Variants in FYB2 observed in about 807,000 individuals in gnomAD.
FYB2 encodes the protein FYN binding protein 2, also known as FYN-binding protein 2.
In FYB2, 103 loss-of-function variants were observed where a neutral mutation model predicts 94.1. The observed-to-expected ratio is 1.09, with a 90% CI of 0.93 to 1.29. FYB2 has a LOEUF of 1.29. Among genes scored for constraint, FYB2 ranks in the 50% most tolerant of loss-of-function variants. The probability of loss-of-function intolerance (pLI) is 0.00; values close to 1 mark genes in which losing one functional copy is unlikely to be tolerated. For synonymous variants in FYB2, 293 were observed against 287.9 expected (o/e 1.02, Z -0.18); for missense variants, 896 against 841.5 (o/e 1.06, Z -0.80).
intron 15 of FYB2, among the ~76,000 whole-genome samples, chr1:56,730,809 C>CG (rs1644691142): frequency 1.3e-5 from 2 of 152,086 alleles, no homozygotes; most frequent in Admixed American, 1.3e-4. Flanking sequence ...AACCCTGATA[C>CG]CAAAAGCAGA....
chr1:56,763,948 T>C (rs926023511), intron 5 of FYB2, among the ~76,000 whole-genome samples: 4 of 151,662 alleles, frequency 2.6e-5, no homozygotes, highest in African/African-American at 4.9e-5. Context: ...TGTCATATTA[T>C]GTCTATTTTT....
At chr1:56,790,361 C>T (rs1247487635) in intron 2 of FYB2, among the ~76,000 whole-genome samples, 1 of 152,190 alleles carries the variant, frequency 6.6e-6, no homozygotes, top group Non-Finnish European at 1.5e-5. Context: ...TCAAAAACTT[C>T]AGTCATTATC....
intron 14 of FYB2, 71 bp downstream of exon 14, chr1:56,738,554 T>A: frequency 2.1e-6 from 3 of 1,449,996 alleles, no homozygotes; most frequent in Admixed American, 2.0e-5. Flanking sequence ...AGGGTTACCA[T>A]TTCTCTTTCC....
intron 4 of FYB2, among the ~76,000 whole-genome samples, chr1:56,780,784 C>T (rs1036323374): frequency 1.3e-5 from 2 of 152,184 alleles, no homozygotes; most frequent in Admixed American, 1.3e-4. Context: ...ATTCACTGCT[C>T]CTTGTGAAAA....
intron 1 of FYB2, among the ~76,000 whole-genome samples, chr1:56,794,006 G>A (rs768319935): frequency 7.2e-5 from 11 of 152,164 alleles, no homozygotes; most frequent in Non-Finnish European, 1.3e-4. Context: ...AGCAGTATTA[G>A]GGCCATTATA....
chr1:56,789,193 G>A, intron 2 of FYB2, 59 bp from the exon 3 acceptor site: 1 of 1,515,228 alleles, frequency 6.6e-7, no homozygotes, highest in Non-Finnish European at 8.8e-7. Context: ...TAGCTTGTGG[G>A]TAAAACTGGT....
At chr1:56,771,610 A>G (rs1645756679) in intron 4 of FYB2, among the ~76,000 whole-genome samples, 3 of 152,120 alleles carry the variant, frequency 2.0e-5, no homozygotes, top group Non-Finnish European at 4.4e-5. Flanking sequence ...AGGGGACTAG[A>G]GTTAGGGTTA....
chr1:56,812,321 T>C (rs1646785757), intron 1 of FYB2, among the ~76,000 whole-genome samples: 1 of 152,112 alleles, frequency 6.6e-6, no homozygotes, highest in African/African-American at 2.4e-5. Context: ...CTCTGTCCTA[T>C]ATGCCATTCA....
At position 56,789,056 on chromosome 1, in the gene FYB2, G is replaced by C; in HGVS notation, c.836C>G (p.Pro279Arg). The C allele has an allele frequency of 6.2e-7, 1 of 1,614,012 alleles. No homozygotes were observed. The highest frequency in any genetic ancestry group is 8.5e-7 in the Non-Finnish European group (1 of 1,179,912). Reference sequence around the variant, plus strand: ...GATGGGAGGTCTTGAAGGCTTTGGGGGAGGAGGACCCAGGGAGTCGATGGA... The same window carrying C: ...GATGGGAGGTCTTGAAGGCTTTGGGCGAGGAGGACCCAGGGAGTCGATGGA... The part of the protein sequence containing the change: ...LPSIDSLGPP[P>R]PKPSRPPIVN... The change falls in exon 3 of 20, where the codon CCC becomes CGC. Residue 279 changes from proline to arginine, a missense_variant. Coordinates refer to ENST00000343433, the MANE Select transcript of FYB2 (RefSeq NM_001004303.5).
In FYB2 at chr1:56,801,105, TCTGCAAAATTCCTCATGTCCTCAAG is replaced by T. The variant is rs1186019318; in HGVS notation, c.10-8327_10-8303del. 2.0e-5 allele frequency among the ~76,000 whole-genome samples: 3 copies of T among 152,134 alleles called. No homozygotes were observed. In the East Asian group the frequency reaches 5.8e-4, roughly 29 times the overall value. ...CTTCCCTGACCACCCTAACCCTCAGTCTGCAAAATTCCTCATGTCCTCAAGCTCTTCTATGAACTTGCCCTCTACC... is the reference window on the plus strand; with the variant it reads ...CTTCCCTGACCACCCTAACCCTCAGTCTCTTCTATGAACTTGCCCTCTACC... On this transcript the variant is annotated intron_variant, in intron 1 of 19. Transcript: ENST00000343433.
chr1:56,822,086 G>T (rs575824766), upstream of FYB2, among the ~76,000 whole-genome samples: 1 of 152,304 alleles, frequency 6.6e-6, no homozygotes, highest in South Asian at 2.1e-4. Context: ...CATGTATAAA[G>T]AAATGACTGA....
upstream of FYB2, chr1:56,823,807 T>C (rs1647007141): frequency 6.6e-6 from 1 of 152,242 alleles, no homozygotes; most frequent in Non-Finnish European, 1.5e-5. Flanking sequence ...TAATGCCAGT[T>C]ACATTATGTA....
intron 14 of FYB2, chr1:56,737,367 GTCCC>G (rs1644851857): frequency 4.8e-6 from 2 of 416,466 alleles, no homozygotes; most frequent in Non-Finnish European, 8.4e-6. Flanking sequence ...AAAGTGTGAT[GTCCC>G]AGTATCTCAA....
At chr1:56,782,841 T>G (rs986276312) in intron 4 of FYB2, among the ~76,000 whole-genome samples, 20 of 152,138 alleles carry the variant, frequency 1.3e-4, no homozygotes, top group Non-Finnish European at 2.9e-5. Context: ...CTGAGTCAGA[T>G]TCCCTGAATC....
At chr1:56,770,997 A>G (rs182332520) in intron 4 of FYB2, among the ~76,000 whole-genome samples, 169 of 152,290 alleles carry the variant, frequency 1.1e-3, no homozygotes, top group Non-Finnish European at 2.8e-4. Context: ...GAATATGGAG[A>G]AATAGGAAAT....
At chr1:56,821,683 T>C (rs1396293769), upstream of FYB2, among the ~76,000 whole-genome samples, 3 of 152,218 alleles carry the variant, frequency 2.0e-5, no homozygotes, top group Non-Finnish European at 1.5e-5. Flanking sequence ...GGTGGCTGTG[T>C]CATTGTCAAA....
intron 11 of FYB2, among the ~76,000 whole-genome samples, chr1:56,742,962 A>G (rs1437908411): frequency 6.6e-6 from 1 of 152,060 alleles, no homozygotes; most frequent in Non-Finnish European, 1.5e-5. Context: ...GACAAATAAT[A>G]ATTATATATA....
chr1:56,798,222 T>C lies in FYB2; in HGVS notation c.10-5419A>G, dbSNP rs114468550. On this transcript the variant is annotated intron_variant, in intron 1 of 19. Transcript: ENST00000343433. Reference sequence around the variant, plus strand: ...TTGTGAAAGCAGATTAGAATGCCCATGGAAACAAATGATCTAATTGCTATC... The same window carrying C: ...TTGTGAAAGCAGATTAGAATGCCCACGGAAACAAATGATCTAATTGCTATC... 7.5e-3 allele frequency among the ~76,000 whole-genome samples: 1,135 copies of C among 152,288 alleles called. 20 individuals are homozygous for C. The highest frequency in any genetic ancestry group is 0.027 in the African/African-American group (1,103 of 41,562).
intron 1 of FYB2, among the ~76,000 whole-genome samples, chr1:56,805,956 C>G (rs79709544): frequency 0.037 from 5,659 of 152,302 alleles, 196 homozygotes; most frequent in East Asian, 0.18. Flanking sequence ...TTATCAGCAG[C>G]ATGAAAATGG....
Sources: gnomAD v4.1 joint callset for allele counts (sites outside exome capture counted in the v4.1 genomes callset) on GRCh38, gnomAD v4.1.1 for gene constraint, MANE v1.5 for transcripts, NCBI Gene and HGNC (gene_info 2026-07-23, HGNC 2026-07-21) for gene names.